ZHX2: variants seen among roughly 807,000 people sequenced by gnomAD.
ZHX2 encodes zinc fingers and homeoboxes 2, also known as zinc fingers and homeoboxes protein 2.
A neutral mutation model predicts 21.9 loss-of-function variants in ZHX2; 6 were observed. The observed-to-expected ratio is 0.27, with a 90% CI of 0.15 to 0.54. The LOEUF is 0.54. ZHX2 is among the 20% of genes least tolerant of loss of function. ZHX2 has a pLI of 0.95. For missense variants in ZHX2, 908 were observed against 1,090.7 expected (o/e 0.83, Z 2.36); for synonymous variants, 434 against 437.1 (o/e 0.99, Z 0.09).
chr8:122,937,132 C>G (rs1389384420), intron 2 of ZHX2, among the ~76,000 whole-genome samples: 1 of 152,208 alleles, frequency 6.6e-6, no homozygotes, highest in Non-Finnish European at 1.5e-5. Context: ...CGGGGAGGCC[C>G]AGGGCTCAGG....
At chr8:122,927,615 C>A (rs189352516) in intron 2 of ZHX2, among the ~76,000 whole-genome samples, 2 of 152,256 alleles carry the variant, frequency 1.3e-5, no homozygotes, top group East Asian at 3.9e-4. Flanking sequence ...TCTTACATGG[C>A]GGCAGGCAAG....
At chr8:122,970,099 T>C (rs890094645) in intron 3 of ZHX2, among the ~76,000 whole-genome samples, 16 of 152,022 alleles carry the variant, frequency 1.1e-4, no homozygotes, top group Admixed American at 7.9e-4. Context: ...GCCTGTCCGA[T>C]GGCCTTGCAG....
chr8:122,818,405 T>C (rs1205248527), intron 1 of ZHX2, among the ~76,000 whole-genome samples: 1 of 152,168 alleles, frequency 6.6e-6, no homozygotes, highest in Non-Finnish European at 1.5e-5. Flanking sequence ...CATGTCTGTG[T>C]TGGACACAGC....
At chr8:122,827,150 G>A (rs963443541) in intron 1 of ZHX2, among the ~76,000 whole-genome samples, 7 of 152,158 alleles carry the variant, frequency 4.6e-5, no homozygotes, top group African/African-American at 1.7e-4. Context: ...CACCCAAGTA[G>A]CTGTGACTAC....
intron 1 of ZHX2, among the ~76,000 whole-genome samples, chr8:122,833,912 G>A (rs2130684659): frequency 6.6e-6 from 1 of 152,134 alleles, no homozygotes; most frequent in Non-Finnish European, 1.5e-5. Flanking sequence ...CAGGAGAATG[G>A]CGTGAACCCG....
rs557789856 is a variant in ZHX2, at chr8:122,946,656, T to C, written c.-219-4636T>C. 5.6e-4 allele frequency among the ~76,000 whole-genome samples: 86 copies of C among 152,278 alleles called. 4 individuals are homozygous for C. The South Asian group carries it at 0.017, about 31-fold the overall frequency. Reference sequence around the variant, plus strand: ...CTCCCCTGGGTCTACTCCTGCCTGATGTCTTTTTTCTGCAGGAGGAAAGTG... The same window carrying C: ...CTCCCCTGGGTCTACTCCTGCCTGACGTCTTTTTTCTGCAGGAGGAAAGTG... On this transcript the variant is annotated intron_variant, in intron 2 of 3. Transcript: ENST00000314393.
At chr8:122,834,662 A>G (rs950211642) in intron 1 of ZHX2, among the ~76,000 whole-genome samples, 21 of 152,178 alleles carry the variant, frequency 1.4e-4, no homozygotes, top group Non-Finnish European at 4.4e-5. Context: ...AAGCTTCTGA[A>G]GCTTGTGCCG....
chr8:122,891,474 T>G (rs1262330500), intron 2 of ZHX2, among the ~76,000 whole-genome samples: 1 of 152,186 alleles, frequency 6.6e-6, no homozygotes, highest in Non-Finnish European at 1.5e-5. Flanking sequence ...ATTTTGGGTT[T>G]GATTTGTTCT....
chr8:122,873,358 C>A (rs1819490268), intron 2 of ZHX2, among the ~76,000 whole-genome samples: 1 of 147,356 alleles, frequency 6.8e-6, no homozygotes, highest in Non-Finnish European at 1.6e-5. Context: ...AGCATGCTAA[C>A]CCCACGTGCA....
intron 1 of ZHX2, among the ~76,000 whole-genome samples, chr8:122,821,636 G>GTGAGAGCGGGTAGACATTAGAACT (rs1818151420): frequency 6.6e-6 from 1 of 152,134 alleles, no homozygotes; most frequent in African/African-American, 2.4e-5. Context: ...GAGATGTGAG[G>GTGAGAGCGGGTAGACATTAGAACT]TGAGAGCGGG....
At chr8:122,834,423 T>C (rs193095468) in intron 1 of ZHX2, among the ~76,000 whole-genome samples, 26 of 152,352 alleles carry the variant, frequency 1.7e-4, no homozygotes, top group Middle Eastern at 3.4e-3. Context: ...GGGCATTGTC[T>C]GGACCTGTGA....
intron 3 of ZHX2, among the ~76,000 whole-genome samples, chr8:122,956,105 A>C (rs140700809): frequency 2.0e-5 from 3 of 152,042 alleles, no homozygotes; most frequent in Admixed American, 6.5e-5. Context: ...TTGGCCTCCC[A>C]AAGTGCTGGG....
At chr8:122,839,109 A>G (rs1026368198) in intron 1 of ZHX2, among the ~76,000 whole-genome samples, 1 of 151,990 alleles carries the variant, frequency 6.6e-6, no homozygotes, top group Non-Finnish European at 1.5e-5. Context: ...TGGAGCAGGG[A>G]ACCCCACTAT....
intron 2 of ZHX2, among the ~76,000 whole-genome samples, chr8:122,911,897 G>A (rs987817530): frequency 6.6e-6 from 1 of 152,266 alleles, no homozygotes; most frequent in South Asian, 2.1e-4. Flanking sequence ...CTGGAGGGTG[G>A]GAGTGAGCCA....
chr8:122,888,228 A>C (rs931430350), intron 2 of ZHX2, among the ~76,000 whole-genome samples: 1 of 151,994 alleles, frequency 6.6e-6, no homozygotes, highest in Non-Finnish European at 1.5e-5. Context: ...CCAGAAACAC[A>C]GAAACGGCCC....
At chr8:122,937,110 C>T (rs1457423354) in intron 2 of ZHX2, among the ~76,000 whole-genome samples, 1 of 152,244 alleles carries the variant, frequency 6.6e-6, no homozygotes, top group Non-Finnish European at 1.5e-5. Flanking sequence ...GTAGGCAATG[C>T]CTGCATCCAA....
At chr8:122,915,570 CT>C (rs1275399327) in intron 2 of ZHX2, among the ~76,000 whole-genome samples, 1 of 152,252 alleles carries the variant, frequency 6.6e-6, no homozygotes, top group Non-Finnish European at 1.5e-5. Flanking sequence ...TCATCTCTTT[CT>C]GCTTTTGATT....
rs1813157565 is a variant in ZHX2, at chr8:122,952,722, C to A, written c.1212C>A (p.Gly404=). ...CCGTGGCAGGAGTCACCAACCATGG[C>A]CAGAAGAGACCCTTGGTGACTCCCC... is the stretch of plus-strand genomic sequence containing the variant. ...TLAVAGVTNH[G]QKRPLVTPQA... is the part of the protein sequence containing the mutation. Residue 404 remains glycine (G), a synonymous_variant, in exon 3 of 4, where the codon GGC becomes GGA. Transcript: ENST00000314393. The surrounding 1 kb of genome is among the most constrained non-coding windows in gnomAD (Gnocchi z 6.9). The A allele has an allele frequency of 6.2e-7, 1 of 1,613,976 alleles. No individual in the cohort carries two copies.
At chr8:122,908,557 T>C (rs1820400462) in intron 2 of ZHX2, among the ~76,000 whole-genome samples, 1 of 152,076 alleles carries the variant, frequency 6.6e-6, no homozygotes, top group Admixed American at 6.6e-5. Context: ...ATCATCAAGT[T>C]GCTTAACCTC....
Sources: allele counts gnomAD v4.1 joint callset (sites outside exome capture counted in the v4.1 genomes callset), GRCh38; gene constraint gnomAD v4.1.1; non-coding constraint Gnocchi (gnomAD v3.1); transcripts MANE v1.5; gene names NCBI Gene and HGNC (gene_info 2026-07-23, HGNC 2026-07-21).